NKAIN3: variants seen among roughly 807,000 people sequenced by gnomAD.
The protein encoded by NKAIN3 is sodium/potassium transporting ATPase interacting 3, also known as sodium/potassium-transporting ATPase subunit beta-1-interacting protein 3.
NKAIN3 carries 25 observed loss-of-function variants against 30.2 expected under a neutral mutation model. The observed-to-expected ratio is 0.83, with a 90% CI of 0.60 to 1.16. The LOEUF (loss-of-function observed/expected upper bound fraction) is 1.16. Among genes scored for constraint, NKAIN3 ranks in the 50% most tolerant of loss-of-function variants. NKAIN3 has a pLI of 0.00. For missense variants in NKAIN3, 225 were observed against 254.1 expected (o/e 0.89, Z 0.78); for synonymous variants, 91 against 89.6 (o/e 1.02, Z -0.09).
intron 4 of NKAIN3, among the ~76,000 whole-genome samples, chr8:62,783,111 C>T (rs1429406845): frequency 2.0e-5 from 3 of 151,992 alleles, no homozygotes; most frequent in African/African-American, 7.2e-5. Context: ...TTTAAGTTTA[C>T]AGACATGCAC....
At position 62,325,417 on chromosome 8, in the gene NKAIN3, A is replaced by G. The variant is rs139237906; in HGVS notation, c.54+76290A>G. Among the ~76,000 whole-genome samples, 325 of 152,172 alleles carry G rather than the reference A, an allele frequency of 2.1e-3. 12 individuals carry two copies. The East Asian group carries it at 0.06, about 28-fold the overall frequency. On this transcript the variant is annotated intron_variant, in intron 1 of 6. Transcript: ENST00000623646. ...CTTAGGTTGGTTCCATATTTTTGCAATTGTGAATTGTGCTGCTATAAACAT... is the reference window on the plus strand; with the variant it reads ...CTTAGGTTGGTTCCATATTTTTGCAGTTGTGAATTGTGCTGCTATAAACAT...
At chr8:62,683,462 A>T (rs779353359) in intron 3 of NKAIN3, among the ~76,000 whole-genome samples, 8 of 152,190 alleles carry the variant, frequency 5.3e-5, no homozygotes, top group Non-Finnish European at 1.0e-4. Flanking sequence ...GCAGGAAATG[A>T]GATATTATTA....
intron 3 of NKAIN3, among the ~76,000 whole-genome samples, chr8:62,591,865 G>A (rs1460431570): frequency 6.6e-6 from 1 of 151,878 alleles, no homozygotes; most frequent in Non-Finnish European, 1.5e-5. Flanking sequence ...CAAAGTTAAG[G>A]ACCCTTGACA....
intron 1 of NKAIN3, among the ~76,000 whole-genome samples, chr8:62,578,001 C>T (rs1175918907): frequency 6.6e-6 from 1 of 152,026 alleles, no homozygotes; most frequent in African/African-American, 2.4e-5. Context: ...AAGCATACAC[C>T]TGCCACATAA....
chr8:62,733,189 C>T (rs1041559687), intron 3 of NKAIN3, among the ~76,000 whole-genome samples: 1 of 152,114 alleles, frequency 6.6e-6, no homozygotes, highest in Non-Finnish European at 1.5e-5. Flanking sequence ...TAAAACCTCA[C>T]CTTCCTTCCA....
intron 4 of NKAIN3, chr8:62,856,574 G>T (rs1820065762): frequency 2.5e-6 from 2 of 785,222 alleles, no homozygotes; most frequent in East Asian, 2.4e-5. Flanking sequence ...CCATGGGGTT[G>T]TCTTCATTGG....
chr8:62,323,976 G>A (rs371386134), intron 1 of NKAIN3, among the ~76,000 whole-genome samples: 5 of 152,162 alleles, frequency 3.3e-5, no homozygotes, highest in Admixed American at 1.3e-4. Flanking sequence ...GAGAGGGAAG[G>A]ACGAATAGCT....
intron 4 of NKAIN3, among the ~76,000 whole-genome samples, chr8:62,895,544 C>A (rs1821406098): frequency 6.6e-6 from 1 of 152,130 alleles, no homozygotes; most frequent in Non-Finnish European, 1.5e-5. Context: ...CACATTTAGC[C>A]CTTCTAAGGT....
At chr8:62,880,620 A>G (rs1820946925) in intron 4 of NKAIN3, among the ~76,000 whole-genome samples, 2 of 152,234 alleles carry the variant, frequency 1.3e-5, no homozygotes, top group Non-Finnish European at 2.9e-5. Context: ...GAATTTTAAA[A>G]GATTTACTTA....
At chr8:62,742,250 G>A (rs1378021262) in intron 3 of NKAIN3, among the ~76,000 whole-genome samples, 1 of 152,066 alleles carries the variant, frequency 6.6e-6, no homozygotes, top group Non-Finnish European at 1.5e-5. Context: ...TGTGGGGCAG[G>A]CTAGTTATAG....
chr8:62,691,132 T>C (rs77251021), intron 3 of NKAIN3, among the ~76,000 whole-genome samples: 1 of 152,282 alleles, frequency 6.6e-6, no homozygotes, highest in Non-Finnish European at 1.5e-5. Flanking sequence ...TAGTTCAGTG[T>C]TTGTCTTATG....
intron 1 of NKAIN3, among the ~76,000 whole-genome samples, chr8:62,254,325 A>C (rs879666738): frequency 6.6e-6 from 1 of 152,082 alleles, no homozygotes; most frequent in Admixed American, 6.6e-5. Context: ...CCTGGATTGC[A>C]TATTTAGAAT....
At chr8:62,347,088 C>A (rs1409508796) in intron 1 of NKAIN3, among the ~76,000 whole-genome samples, 1 of 152,150 alleles carries the variant, frequency 6.6e-6, no homozygotes, top group Non-Finnish European at 1.5e-5. Context: ...CTTTCCCATA[C>A]AAACTGTAAG....
chr8:62,274,794 G>A (rs1201529407), intron 1 of NKAIN3, among the ~76,000 whole-genome samples: 1 of 143,840 alleles, frequency 7.0e-6, no homozygotes, highest in Non-Finnish European at 1.5e-5. Flanking sequence ...CCCTTCCTGT[G>A]TCCATGTGTT....
At chr8:62,951,835 C>T (rs1823292236) in intron 5 of NKAIN3, among the ~76,000 whole-genome samples, 1 of 151,798 alleles carries the variant, frequency 6.6e-6, no homozygotes, top group Non-Finnish European at 1.5e-5. Flanking sequence ...GAGTCTCCCT[C>T]TGTCACCCAG....
chr8:62,855,978 C>T lies in NKAIN3; in HGVS notation c.472-62475C>T, dbSNP rs1294208595. On this transcript the variant is annotated intron_variant, in intron 4 of 6. Transcript: ENST00000623646. Reference sequence around the variant, plus strand: ...GTGCAGAGCACTAAACAGGGTTGAGCTCCCAATCACCAGCAACTCCTCAGG... The same window carrying T: ...GTGCAGAGCACTAAACAGGGTTGAGTTCCCAATCACCAGCAACTCCTCAGG... The T allele has an allele frequency of 1.0e-5, 7 of 694,016 alleles. No individual in the cohort carries two copies. The Admixed American group carries it at 1.5e-4, about 15-fold the overall frequency. The allele number at this position is 694,016 out of a possible 1,614,324, so 43.0% of individuals were successfully genotyped here.
chr8:62,438,862 C>A (rs1805243388), intron 1 of NKAIN3, among the ~76,000 whole-genome samples: 1 of 152,146 alleles, frequency 6.6e-6, no homozygotes, highest in African/African-American at 2.4e-5. Flanking sequence ...TGAGCCTGGC[C>A]AGGAACAGCC....
At chr8:62,788,165 G>A (rs1209744627) in intron 4 of NKAIN3, among the ~76,000 whole-genome samples, 1 of 152,154 alleles carries the variant, frequency 6.6e-6, no homozygotes, top group East Asian at 1.9e-4. Context: ...CAGTGTAAAA[G>A]TGTTCCTATT....
At chr8:62,365,774 AAT>A (rs1816717729) in intron 1 of NKAIN3, among the ~76,000 whole-genome samples, 1 of 10,448 alleles carries the variant, frequency 9.6e-5, no homozygotes, top group South Asian at 4.1e-3. Flanking sequence ...CTCACTATAA[AAT>A]TTTTTTTTTA....
Sources: gnomAD v4.1 joint callset for allele counts (sites outside exome capture counted in the v4.1 genomes callset) on GRCh38, gnomAD v4.1.1 for gene constraint, MANE v1.5 for transcripts, NCBI Gene and HGNC (gene_info 2026-07-23, HGNC 2026-07-21) for gene names.